Variants in LRRC4C observed in about 807,000 individuals in gnomAD.
LRRC4C encodes the protein leucine rich repeat containing 4C.
In LRRC4C, 5 loss-of-function variants were observed where a neutral mutation model predicts 33.6. The ratio of observed to expected loss-of-function variants is 0.15; its 90% CI spans 0.08 to 0.31. LRRC4C has a LOEUF of 0.31. LRRC4C is among the 10% of genes least tolerant of loss of function. LRRC4C has a pLI of 1.00. For missense variants in LRRC4C, 560 were observed against 796.7 expected (o/e 0.70, Z 3.58); for synonymous variants, 329 against 302.0 (o/e 1.09, Z -0.93).
At chr11:40,815,451 A>G (rs1331672088) in intron 2 of LRRC4C, among the ~76,000 whole-genome samples, 3 of 152,186 alleles carry the variant, frequency 2.0e-5, no homozygotes, top group Non-Finnish European at 2.9e-5. Flanking sequence ...CTTATTTACC[A>G]AAACACATTT....
At chr11:40,476,750 T>C (rs1953256716) in intron 3 of LRRC4C, among the ~76,000 whole-genome samples, 1 of 152,226 alleles carries the variant, frequency 6.6e-6, no homozygotes, top group Non-Finnish European at 1.5e-5. Context: ...GTAAAATTTA[T>C]GAAGTTTTTT....
intron 3 of LRRC4C, among the ~76,000 whole-genome samples, chr11:40,394,653 G>C (rs1949468534): frequency 6.6e-6 from 1 of 152,096 alleles, no homozygotes; most frequent in South Asian, 2.1e-4. Context: ...GAAGCTCTGT[G>C]GTTCATGGTT....
At chr11:40,577,511 G>T (rs188130456) in intron 3 of LRRC4C, among the ~76,000 whole-genome samples, 17 of 152,282 alleles carry the variant, frequency 1.1e-4, no homozygotes, top group Non-Finnish European at 2.1e-4. Context: ...TTCTATATCG[G>T]TAGTTCTTAA....
chr11:40,289,284 G>A (rs1285684556), intron 4 of LRRC4C, among the ~76,000 whole-genome samples: 1 of 151,934 alleles, frequency 6.6e-6, no homozygotes, highest in Non-Finnish European at 1.5e-5. Context: ...ATCCTTAGAG[G>A]GCCTATTATG....
At chr11:40,457,694 C>T (rs1952202123) in intron 3 of LRRC4C, among the ~76,000 whole-genome samples, 1 of 152,108 alleles carries the variant, frequency 6.6e-6, no homozygotes, top group African/African-American at 2.4e-5. Flanking sequence ...AATAAATCTG[C>T]AATTTGTTGA....
intron 1 of LRRC4C, among the ~76,000 whole-genome samples, chr11:41,038,538 A>T (rs1189814645): frequency 6.6e-6 from 1 of 152,132 alleles, no homozygotes; most frequent in Non-Finnish European, 1.5e-5. Flanking sequence ...CCTACTTCTA[A>T]GTCTGGCACT....
intron 1 of LRRC4C, among the ~76,000 whole-genome samples, chr11:41,169,368 G>A (rs907586905): frequency 1.3e-5 from 2 of 152,032 alleles, no homozygotes; most frequent in African/African-American, 2.4e-5. Context: ...ACATGTAATT[G>A]TACACCAATC....
At chr11:40,136,209 C>T (rs1161883477) in intron 6 of LRRC4C, among the ~76,000 whole-genome samples, 1 of 151,764 alleles carries the variant, frequency 6.6e-6, no homozygotes, top group African/African-American at 2.4e-5. Flanking sequence ...AAAATATTTA[C>T]CACCTGGTCT....
At chr11:41,258,648 AG>A (rs1405663785) in intron 1 of LRRC4C, among the ~76,000 whole-genome samples, 2 of 152,034 alleles carry the variant, frequency 1.3e-5, no homozygotes, top group African/African-American at 4.8e-5. Flanking sequence ...TATAGAAGGA[AG>A]GAACTCAATA....
At chr11:40,397,176 A>G (rs1197079528) in intron 3 of LRRC4C, among the ~76,000 whole-genome samples, 1 of 152,056 alleles carries the variant, frequency 6.6e-6, no homozygotes, top group Non-Finnish European at 1.5e-5. Context: ...TCCCCTACCC[A>G]ATCTCTGGAA....
intron 2 of LRRC4C, among the ~76,000 whole-genome samples, chr11:40,919,539 G>T (rs1957092137): frequency 6.6e-6 from 1 of 151,874 alleles, no homozygotes; most frequent in Non-Finnish European, 1.5e-5. Context: ...CCCATCATTT[G>T]GCTTATCTTC....
At chr11:40,864,646 C>T (rs1480481411) in intron 2 of LRRC4C, among the ~76,000 whole-genome samples, 6 of 152,180 alleles carry the variant, frequency 3.9e-5, no homozygotes, top group Admixed American at 2.0e-4. Flanking sequence ...GCAGACATAC[C>T]TAGTGGATTA....
chr11:41,118,390 T>G (rs1942249512), intron 1 of LRRC4C, among the ~76,000 whole-genome samples: 1 of 152,152 alleles, frequency 6.6e-6, no homozygotes, highest in African/African-American at 2.4e-5. Context: ...CAGCCTGAAG[T>G]TGAAAGCAGG....
chr11:40,898,612 C>T (rs1390241721), intron 2 of LRRC4C, among the ~76,000 whole-genome samples: 1 of 151,932 alleles, frequency 6.6e-6, no homozygotes, highest in Non-Finnish European at 1.5e-5. Flanking sequence ...AAACTAGAAA[C>T]TATAGATACA....
intron 1 of LRRC4C, among the ~76,000 whole-genome samples, chr11:41,404,002 A>T (rs1366089006): frequency 6.6e-6 from 1 of 152,134 alleles, no homozygotes; most frequent in Non-Finnish European, 1.5e-5. Context: ...TAGAAATAAT[A>T]GATTCCTGAT....
intron 1 of LRRC4C, among the ~76,000 whole-genome samples, chr11:41,122,054 C>A (rs1942461087): frequency 6.6e-6 from 1 of 152,086 alleles, no homozygotes; most frequent in Non-Finnish European, 1.5e-5. Flanking sequence ...TAATAAACAT[C>A]TCATTGCTCC....
rs1170273889 is a variant in LRRC4C at position 40,596,641 on chromosome 11, T to TC, written c.-270+51500dup. On this transcript the variant is annotated intron_variant, in intron 3 of 6. Transcript: ENST00000528697. Reference sequence around the variant, plus strand: ...CTTCCCAGCTTCTGGTAATCATCATTCCACTCTATATTTTCATGGGTTCAA... The same window carrying TC: ...CTTCCCAGCTTCTGGTAATCATCATTCCCACTCTATATTTTCATGGGTTCAA... Among the ~76,000 whole-genome samples, 3 of 152,180 alleles carry TC rather than the reference T, an allele frequency of 2.0e-5. No individual in the cohort carries two copies. The East Asian group carries it at 5.8e-4, about 29-fold the overall frequency.
chr11:40,790,282 T>G lies in LRRC4C; in HGVS notation c.-406-142004A>C, dbSNP rs147319939. ...GGAATTGATGCAAAAGATGATTTTA[T>G]TTTTTCTAGTTCTACACAGACATTG... On this transcript the variant is annotated intron_variant, in intron 2 of 6. Coordinates refer to ENST00000528697, the MANE Select transcript of LRRC4C (RefSeq NM_001258419.2). Among the ~76,000 whole-genome samples, 614 of 152,182 alleles carry G rather than the reference T, an allele frequency of 4.0e-3. 1 individual carries two copies. The highest frequency in any genetic ancestry group is 0.014 in the African/African-American group (589 of 41,522).
rs1017254582 is a variant in LRRC4C, at chr11:41,141,067, T to C, written c.-495-207344A>G. ...TCTAAAAGTAGATCTAGTAGTGTCA[T>C]GATTGAATCATTGGTTATCAATAAC... is the stretch of plus-strand genomic sequence containing the variant. On this transcript the variant is annotated intron_variant, in intron 1 of 6. Transcript: ENST00000528697. 3.3e-5 allele frequency among the ~76,000 whole-genome samples: 5 copies of C among 152,210 alleles called. No individual in the cohort carries two copies. The East Asian group carries it at 9.6e-4, about 29-fold the overall frequency.
Sources: gnomAD v4.1 joint callset for allele counts (sites outside exome capture counted in the v4.1 genomes callset) on GRCh38, gnomAD v4.1.1 for gene constraint, MANE v1.5 for transcripts, NCBI Gene and HGNC (gene_info 2026-07-23, HGNC 2026-07-21) for gene names.